GNG12: variants seen among roughly 807,000 people sequenced by gnomAD.
GNG12 encodes the protein G protein subunit gamma 12, also known as guanine nucleotide-binding protein G(I)/G(S)/G(O) subunit gamma-12.
For missense variants in GNG12, 69 were observed against 83.8 expected (o/e 0.82, Z 0.69); for synonymous variants, 28 against 29.7 (o/e 0.94, Z 0.19).
rs114257377 is a variant in GNG12 at position 67,753,430 on chromosome 1, T to C, written c.-27+24028A>G. Among the ~76,000 whole-genome samples, 508 of 152,020 alleles carry C rather than the reference T, an allele frequency of 3.3e-3. 4 individuals are homozygous for C. Among genetic ancestry groups the C allele is most frequent in the African/African-American group, 0.011 (475 of 41,470 alleles). On this transcript the variant is annotated intron_variant, in intron 2 of 3. Transcript: ENST00000370982. ...TAAGCGATTCTCAATCTGTACTTGC[T>C]GAGTTTCAATTCATGCCCTACAGTG...
intron 2 of GNG12, among the ~76,000 whole-genome samples, chr1:67,766,106 GCACACACACACACACACA>G (rs59348663): frequency 2.6e-4 from 36 of 139,836 alleles, no homozygotes; most frequent in Non-Finnish European, 2.8e-4. Context: ...AGGCACACAC[GCACACACACACACACACA>G]CACACACACA....
intron 1 of GNG12, among the ~76,000 whole-genome samples, chr1:67,783,747 A>G (rs1335479283): frequency 1.3e-5 from 2 of 152,198 alleles, no homozygotes; most frequent in African/African-American, 4.8e-5. Context: ...AGAGAAATGC[A>G]AATCAAAACC....
At chr1:67,732,697 A>T (rs1418933912) in intron 2 of GNG12, among the ~76,000 whole-genome samples, 2 of 152,200 alleles carry the variant, frequency 1.3e-5, no homozygotes, top group Non-Finnish European at 2.9e-5. Flanking sequence ...TGGCTAGCAT[A>T]AGAGGAAACT....
chr1:67,737,813 A>T (rs1400708737), intron 2 of GNG12, among the ~76,000 whole-genome samples: 1 of 152,198 alleles, frequency 6.6e-6, no homozygotes, highest in African/African-American at 2.4e-5. Context: ...TATTGTCAAT[A>T]TGTGGCCCCT....
At chr1:67,731,956 G>A (rs1206547346) in intron 2 of GNG12, among the ~76,000 whole-genome samples, 3 of 152,092 alleles carry the variant, frequency 2.0e-5, no homozygotes, top group Non-Finnish European at 4.4e-5. Flanking sequence ...TCTTACATGC[G>A]GTGGCATTCA....
chr1:67,722,655 G>A (rs1646362729), intron 2 of GNG12, among the ~76,000 whole-genome samples: 1 of 152,120 alleles, frequency 6.6e-6, no homozygotes, highest in African/African-American at 2.4e-5. Flanking sequence ...GGGAGTGGTA[G>A]ACAGCAGATT....
At chr1:67,798,694 G>A (rs779830444) in intron 1 of GNG12, among the ~76,000 whole-genome samples, 10 of 151,990 alleles carry the variant, frequency 6.6e-5, no homozygotes, top group Non-Finnish European at 8.8e-5. Context: ...GGTGACCCAC[G>A]CCTGTAATCC....
intron 2 of GNG12, among the ~76,000 whole-genome samples, chr1:67,750,866 A>C (rs1362559237): frequency 2.6e-5 from 4 of 152,206 alleles, no homozygotes; most frequent in African/African-American, 9.7e-5. Flanking sequence ...GACTTGCACA[A>C]ATTTCCTTTC....
intron 2 of GNG12, among the ~76,000 whole-genome samples, chr1:67,728,546 G>C (rs990888219): frequency 6.6e-6 from 1 of 152,092 alleles, no homozygotes; most frequent in Non-Finnish European, 1.5e-5. Context: ...TTATCATAAT[G>C]ATCAATACGG....
chr1:67,807,550 G>A (rs2100804682), intron 1 of GNG12, among the ~76,000 whole-genome samples: 1 of 151,292 alleles, frequency 6.6e-6, no homozygotes, highest in East Asian at 1.9e-4. Flanking sequence ...CTCTGACAAG[G>A]TCAATAAAAT....
intron 3 of GNG12, among the ~76,000 whole-genome samples, 164 bp from the exon 4 acceptor site, chr1:67,705,740 G>C (rs11802819): frequency 1.6e-4 from 25 of 152,246 alleles, no homozygotes; most frequent in African/African-American, 5.3e-4. Flanking sequence ...AAAAGGAAAT[G>C]GTACCTTTAA....
chr1:67,780,585 T>C lies in GNG12; in HGVS notation c.-76-3078A>G, dbSNP rs559343868. On this transcript the variant is annotated intron_variant, in intron 1 of 3. Transcript: ENST00000370982. ...CACACAGGAAAACACTGGAATAGCA[T>C]TGAAAGGATAGGAGCCAAGGCTATC... 5.9e-5 allele frequency among the ~76,000 whole-genome samples: 9 copies of C among 152,290 alleles called. No individual in the cohort carries two copies. The South Asian group carries it at 1.0e-3, about 18-fold the overall frequency.
At chr1:67,806,778 GC>G (rs2100803749) in intron 1 of GNG12, among the ~76,000 whole-genome samples, 1 of 152,146 alleles carries the variant, frequency 6.6e-6, no homozygotes, top group South Asian at 2.1e-4. Context: ...ATCAAAATAA[GC>G]TAGGTAAAAA....
chr1:67,824,238 G>A (rs1421961676), intron 1 of GNG12, among the ~76,000 whole-genome samples: 2 of 152,046 alleles, frequency 1.3e-5, no homozygotes, highest in African/African-American at 2.4e-5. Flanking sequence ...GGCTGGGCAC[G>A]GTGGATCAGG....
chr1:67,756,947 T>C (rs1175631522), intron 2 of GNG12, among the ~76,000 whole-genome samples: 1 of 152,206 alleles, frequency 6.6e-6, no homozygotes, highest in Non-Finnish European at 1.5e-5. Context: ...GCCTGGACCA[T>C]CCAGAGCCTC....
At chr1:67,813,818 T>C (rs920575661) in intron 1 of GNG12, among the ~76,000 whole-genome samples, 1 of 152,166 alleles carries the variant, frequency 6.6e-6, no homozygotes, top group Non-Finnish European at 1.5e-5. Flanking sequence ...CTCCTCCAAT[T>C]AAATTAAGTT....
At chr1:67,789,809 G>C (rs902481115) in intron 1 of GNG12, among the ~76,000 whole-genome samples, 5 of 152,176 alleles carry the variant, frequency 3.3e-5, no homozygotes, top group Admixed American at 1.3e-4. Context: ...CTTGGACTCA[G>C]AGGAAGAAAA....
intron 2 of GNG12, among the ~76,000 whole-genome samples, chr1:67,756,174 T>C (rs761208963): frequency 1.3e-5 from 2 of 152,006 alleles, no homozygotes; most frequent in Non-Finnish European, 2.9e-5. Context: ...GAGGGTGCAA[T>C]AGAGATTCCA....
intron 2 of GNG12, among the ~76,000 whole-genome samples, chr1:67,731,203 AGTTT>A (rs1646417090): frequency 6.6e-6 from 1 of 151,920 alleles, no homozygotes; most frequent in Non-Finnish European, 1.5e-5. Context: ...TCTACCACCA[AGTTT>A]CTGGATTCCC....
Sources: allele counts gnomAD v4.1 joint callset (sites outside exome capture counted in the v4.1 genomes callset), GRCh38; gene constraint gnomAD v4.1.1; transcripts MANE v1.5; gene names NCBI Gene and HGNC (gene_info 2026-07-23, HGNC 2026-07-21).